CNTN5: variants seen among roughly 807,000 people sequenced by gnomAD.
CNTN5 encodes contactin-5.
Under a neutral mutation model 129.1 loss-of-function variants are expected in CNTN5, and 77 were observed. That is an observed-to-expected ratio of 0.60 (90% CI 0.50 to 0.72). CNTN5 has a LOEUF of 0.72. Among genes scored for constraint, CNTN5 ranks in the 30% least tolerant of loss-of-function variants. The probability of loss-of-function intolerance (pLI) is 0.00; values close to 1 mark genes in which losing one functional copy is unlikely to be tolerated. For missense variants in CNTN5, 1,478 were observed against 1,328.8 expected (o/e 1.11, Z -1.75); for synonymous variants, 509 against 465.6 (o/e 1.09, Z -1.20).
chr11:99,236,079 A>G (rs1177579350), intron 1 of CNTN5, among the ~76,000 whole-genome samples: 1 of 152,214 alleles, frequency 6.6e-6, no homozygotes, highest in Non-Finnish European at 1.5e-5. Context: ...ATAATAATCT[A>G]AACAGAAAAA....
intron 1 of CNTN5, among the ~76,000 whole-genome samples, chr11:99,313,595 C>T (rs745589132): frequency 2.0e-4 from 30 of 152,116 alleles, no homozygotes; most frequent in Non-Finnish European, 3.7e-4. Context: ...AGGAAAGATG[C>T]TCTGTATACG....
intron 3 of CNTN5, among the ~76,000 whole-genome samples, chr11:99,629,995 A>T (rs1194637330): frequency 6.6e-6 from 1 of 151,914 alleles, no homozygotes; most frequent in Non-Finnish European, 1.5e-5. Flanking sequence ...AATTGAAGTG[A>T]ATTGATGATA....
intron 1 of CNTN5, among the ~76,000 whole-genome samples, chr11:99,207,923 T>A (rs1409084606): frequency 1.3e-5 from 2 of 152,206 alleles, no homozygotes; most frequent in Non-Finnish European, 2.9e-5. Context: ...TTTGAGTTAT[T>A]TCAAATATAT....
intron 2 of CNTN5, among the ~76,000 whole-genome samples, chr11:99,467,013 G>A (rs1944971150): frequency 6.6e-6 from 1 of 152,082 alleles, no homozygotes; most frequent in African/African-American, 2.4e-5. Context: ...TGTTATCTCT[G>A]CCACATCATG....
chr11:99,678,381 C>T (rs4753957), intron 3 of CNTN5, among the ~76,000 whole-genome samples: 2 of 152,036 alleles, frequency 1.3e-5, no homozygotes, highest in Admixed American at 6.6e-5. Flanking sequence ...ACAAAACAAT[C>T]ATTGCAACAT....
At chr11:99,682,078 A>G (rs1403349172) in intron 3 of CNTN5, among the ~76,000 whole-genome samples, 1 of 152,002 alleles carries the variant, frequency 6.6e-6, no homozygotes, top group Non-Finnish European at 1.5e-5. Context: ...ATATGCAAGA[A>G]CCAAGGAACA....
At chr11:99,781,726 G>A (rs553278948) in intron 3 of CNTN5, among the ~76,000 whole-genome samples, 29 of 152,012 alleles carry the variant, frequency 1.9e-4, no homozygotes, top group African/African-American at 7.0e-4. Context: ...GTAAGCAAGT[G>A]TTTGAAAAAT....
At chr11:99,408,449 A>AAAGAAAGAAAGAAAGG (rs1942213427) in intron 2 of CNTN5, among the ~76,000 whole-genome samples, 1 of 6,682 alleles carries the variant, frequency 1.5e-4, no homozygotes. Flanking sequence ...AGAAAGAAAG[A>AAAGAAAGAAAGAAAGG]GAAAGAAAGA....
At chr11:99,467,341 A>G (rs1197745623) in intron 2 of CNTN5, among the ~76,000 whole-genome samples, 1 of 152,076 alleles carries the variant, frequency 6.6e-6, no homozygotes, top group East Asian at 1.9e-4. Flanking sequence ...TATATTTAGG[A>G]CTTTCATTCA....
At chr11:99,054,153 G>C (rs1228258169) in intron 1 of CNTN5, among the ~76,000 whole-genome samples, 2 of 151,952 alleles carry the variant, frequency 1.3e-5, no homozygotes, top group Non-Finnish European at 2.9e-5. Flanking sequence ...ACAAACCCTT[G>C]AGAGTCTGGA....
intron 16 of CNTN5, chr11:100,225,026 T>G (rs1347976426): frequency 2.6e-6 from 1 of 390,000 alleles, no homozygotes; most frequent in African/African-American, 2.0e-5. Context: ...AACTTCAGAG[T>G]CCAAAACACC....
intron 9 of CNTN5, among the ~76,000 whole-genome samples, chr11:100,032,675 G>A (rs375482638): frequency 2.6e-5 from 4 of 151,978 alleles, no homozygotes; most frequent in African/African-American, 4.8e-5. Context: ...TCATAATGTC[G>A]TTTTTAAACA....
At chr11:99,897,402 G>A (rs955659656) in intron 6 of CNTN5, among the ~76,000 whole-genome samples, 4 of 152,042 alleles carry the variant, frequency 2.6e-5, no homozygotes, top group Admixed American at 2.6e-4. Flanking sequence ...CTAGAGAAAA[G>A]GTTCAAATCA....
intron 3 of CNTN5, among the ~76,000 whole-genome samples, chr11:99,623,840 G>A (rs1018205803): frequency 1.1e-4 from 17 of 151,734 alleles, no homozygotes; most frequent in East Asian, 3.9e-4. Flanking sequence ...ATTGGGGTGC[G>A]TAGTAACCTG....
intron 1 of CNTN5, among the ~76,000 whole-genome samples, chr11:99,106,265 T>C (rs984631091): frequency 1.3e-5 from 2 of 152,030 alleles, no homozygotes; most frequent in African/African-American, 4.8e-5. Flanking sequence ...ATATTTTGTA[T>C]AATAATAGGT....
intron 1 of CNTN5, among the ~76,000 whole-genome samples, chr11:99,134,634 G>A (rs531810426): frequency 7.9e-5 from 12 of 152,160 alleles, no homozygotes; most frequent in Non-Finnish European, 1.2e-4. Context: ...AATTAACTAT[G>A]TATTTCTACT....
chr11:99,251,597 A>T (rs192929162), intron 1 of CNTN5, among the ~76,000 whole-genome samples: 1 of 152,096 alleles, frequency 6.6e-6, no homozygotes, highest in African/African-American at 2.4e-5. Flanking sequence ...TTTCTCACCT[A>T]CGTAAGTATC....
intron 2 of CNTN5, among the ~76,000 whole-genome samples, chr11:99,496,479 A>C (rs1015033164): frequency 6.6e-6 from 1 of 152,222 alleles, no homozygotes; most frequent in African/African-American, 2.4e-5. Context: ...ACATATTAAA[A>C]ATGTCTTGAA....
intron 13 of CNTN5, among the ~76,000 whole-genome samples, chr11:100,129,082 T>C (rs1340681889): frequency 3.3e-5 from 5 of 152,180 alleles, no homozygotes; most frequent in Non-Finnish European, 7.3e-5. Context: ...TTTGTTGTGA[T>C]ATCCAAATAA....
Sources: allele counts gnomAD v4.1 joint callset (sites outside exome capture counted in the v4.1 genomes callset), GRCh38; gene constraint gnomAD v4.1.1; transcripts MANE v1.5; gene names NCBI Gene and HGNC (gene_info 2026-07-23, HGNC 2026-07-21).